The following AGBL1 variants were observed in gnomAD, a reference collection of about 807,000 sequenced individuals.
The protein encoded by AGBL1 is cytosolic carboxypeptidase 4.
In AGBL1, 130 loss-of-function variants were observed where a neutral mutation model predicts 118.9. The ratio of observed to expected loss-of-function variants is 1.09; its 90% CI spans 0.95 to 1.26. AGBL1 has a LOEUF of 1.26. Among genes scored for constraint, AGBL1 ranks in the 50% most tolerant of loss-of-function variants. The pLI is 0.00. For missense variants in AGBL1, 1,584 were observed against 1,298.1 expected (o/e 1.22, Z -3.38); for synonymous variants, 555 against 478.9 (o/e 1.16, Z -2.08).
chr15:86,811,577 T>C lies in AGBL1; in HGVS notation c.3159-95510T>C, dbSNP rs2078790093. ...GAGCTCTCCCAACTCCCCTCTGTTT[T>C]ATTTCATTGCAGTTGAATATTTAAG... On this transcript the variant is annotated intron_variant, in intron 22 of 22. Transcript: ENST00000614907. Among the ~76,000 whole-genome samples, 4 of 152,328 alleles carry C rather than the reference T, an allele frequency of 2.6e-5. No homozygotes were observed. In the South Asian group the frequency reaches 8.3e-4, roughly 32 times the overall value.
chr15:86,604,910 C>T (rs1445385419), intron 21 of AGBL1, among the ~76,000 whole-genome samples: 1 of 151,560 alleles, frequency 6.6e-6, no homozygotes, highest in Non-Finnish European at 1.5e-5. Flanking sequence ...ATTCTCCTGC[C>T]TCAGCCTCCT....
intron 1 of AGBL1, among the ~76,000 whole-genome samples, chr15:86,131,863 T>C (rs2076824026): frequency 6.6e-6 from 1 of 151,312 alleles, no homozygotes; most frequent in Non-Finnish European, 1.5e-5. Context: ...GGTAGGAGGA[T>C]CCTGGGAAGG....
At chr15:86,610,869 C>G (rs1422434950) in intron 21 of AGBL1, among the ~76,000 whole-genome samples, 1 of 152,136 alleles carries the variant, frequency 6.6e-6, no homozygotes, top group Non-Finnish European at 1.5e-5. Flanking sequence ...TCACACTGTC[C>G]TGTGCTCTGG....
At chr15:86,364,998 C>A (rs71408854) in intron 17 of AGBL1, among the ~76,000 whole-genome samples, 1 of 121,218 alleles carries the variant, frequency 8.2e-6, no homozygotes, top group South Asian at 2.7e-4. Flanking sequence ...TACACACACA[C>A]ATATATATAT....
At chr15:86,902,571 C>T (rs2080226200) in intron 22 of AGBL1, among the ~76,000 whole-genome samples, 1 of 151,968 alleles carries the variant, frequency 6.6e-6, no homozygotes, top group Non-Finnish European at 1.5e-5. Context: ...TTTCCTTTAA[C>T]CATTCTTTTA....
intron 22 of AGBL1, among the ~76,000 whole-genome samples, chr15:86,863,623 G>C (rs2079587958): frequency 6.6e-6 from 1 of 152,150 alleles, no homozygotes; most frequent in Admixed American, 6.5e-5. Flanking sequence ...ATTTGGTCTG[G>C]GTAGGTATTG....
At chr15:86,824,091 C>T (rs575627908) in intron 22 of AGBL1, among the ~76,000 whole-genome samples, 1 of 151,820 alleles carries the variant, frequency 6.6e-6, no homozygotes, top group Non-Finnish European at 1.5e-5. Flanking sequence ...AAGAAAAAAA[C>T]AAATAAAAGA....
At chr15:86,952,092 G>T (rs950908760) in intron 23 of AGBL1, among the ~76,000 whole-genome samples, 5 of 152,028 alleles carry the variant, frequency 3.3e-5, no homozygotes, top group African/African-American at 1.2e-4. Flanking sequence ...TTAGTTGTGT[G>T]TGGTGGCAGG....
At chr15:86,435,814 G>T (rs78445460) in intron 18 of AGBL1, among the ~76,000 whole-genome samples, 1 of 151,980 alleles carries the variant, frequency 6.6e-6, no homozygotes, top group Non-Finnish European at 1.5e-5. Flanking sequence ...GAGATAATAA[G>T]GTACAGTGCC....
intron 20 of AGBL1, among the ~76,000 whole-genome samples, chr15:86,552,186 C>A (rs1255434621): frequency 2.0e-5 from 3 of 152,258 alleles, no homozygotes; most frequent in African/African-American, 7.2e-5. Flanking sequence ...AACAAACCTA[C>A]CACTCTGGTG....
chr15:86,304,171 T>A (rs1331394415), intron 17 of AGBL1, among the ~76,000 whole-genome samples: 1 of 152,178 alleles, frequency 6.6e-6, no homozygotes, highest in Non-Finnish European at 1.5e-5. Flanking sequence ...TAGTAAAATC[T>A]AAATATTACT....
At chr15:86,747,404 A>T (rs1306731105) in intron 22 of AGBL1, among the ~76,000 whole-genome samples, 1 of 152,154 alleles carries the variant, frequency 6.6e-6, no homozygotes, top group African/African-American at 2.4e-5. Context: ...ATAATAAAAC[A>T]TACAAAATTG....
At chr15:86,223,529 G>A (rs1319407678) in intron 5 of AGBL1, among the ~76,000 whole-genome samples, 1 of 152,154 alleles carries the variant, frequency 6.6e-6, no homozygotes, top group East Asian at 1.9e-4. Flanking sequence ...CCACTGTTGT[G>A]AAAACTCTGT....
At chr15:86,787,850 A>C (rs1387613029) in intron 22 of AGBL1, among the ~76,000 whole-genome samples, 1 of 152,166 alleles carries the variant, frequency 6.6e-6, no homozygotes, top group Non-Finnish European at 1.5e-5. Context: ...TTTTATCAAT[A>C]CTTACATCTT....
At chr15:86,487,368 A>G (rs544910404) in intron 18 of AGBL1, among the ~76,000 whole-genome samples, 1 of 152,212 alleles carries the variant, frequency 6.6e-6, no homozygotes, top group Non-Finnish European at 1.5e-5. Context: ...TGTGTTGCTA[A>G]AAGTGCTGTG....
intron 18 of AGBL1, among the ~76,000 whole-genome samples, chr15:86,462,011 CT>C: frequency 6.6e-6 from 1 of 152,258 alleles, no homozygotes; most frequent in Admixed American, 6.5e-5. Flanking sequence ...TGTGGTATTC[CT>C]TTTCCTTTGA....
chr15:86,154,650 A>G, intron 4 of AGBL1, 89 bp downstream of exon 4: 1 of 1,436,290 alleles, frequency 7.0e-7, no homozygotes. Context: ...TTGGAAGAAA[A>G]GCATGGGTGA....
chr15:86,966,249 T>G (rs1249736004), intron 23 of AGBL1, among the ~76,000 whole-genome samples: 1 of 150,684 alleles, frequency 6.6e-6, no homozygotes, highest in African/African-American at 2.4e-5. Flanking sequence ...TAAGGTCCAG[T>G]CTGAATTTAG....
intron 5 of AGBL1, among the ~76,000 whole-genome samples, chr15:86,208,839 A>C (rs1374588412): frequency 1.3e-5 from 2 of 152,012 alleles, no homozygotes; most frequent in African/African-American, 4.8e-5. Flanking sequence ...CTCTGATCTT[A>C]GTTATTTCTT....
Sources: gnomAD v4.1 joint callset for allele counts (sites outside exome capture counted in the v4.1 genomes callset) on GRCh38, gnomAD v4.1.1 for gene constraint, MANE v1.5 for transcripts, NCBI Gene and HGNC (gene_info 2026-07-23, HGNC 2026-07-21) for gene names.